C4orf50: variants seen among roughly 807,000 people sequenced by gnomAD.
C4orf50 encodes uncharacterized protein C4orf50.
C4orf50 carries 80 observed loss-of-function variants against 77.2 expected under a neutral mutation model. The observed-to-expected ratio is 1.04, with a 90% CI of 0.87 to 1.25. The LOEUF (loss-of-function observed/expected upper bound fraction) is 1.25, where lower values mean the gene tolerates loss of function less well. C4orf50 is among the 50% of genes most tolerant of loss of function. The pLI, the probability that C4orf50 is intolerant of heterozygous loss-of-function variation, is 0.00. For missense variants in C4orf50, 1,257 were observed against 1,152.9 expected (o/e 1.09, Z -1.31); for synonymous variants, 532 against 465.3 (o/e 1.14, Z -1.84).
At chr4:5,982,479 G>T (rs550469483) in intron 28 of C4orf50, among the ~76,000 whole-genome samples, 2 of 152,280 alleles carry the variant, frequency 1.3e-5, no homozygotes, top group South Asian at 4.1e-4. Flanking sequence ...AGAATGACAG[G>T]CAGGTAGTTC....
chr4:5,941,682 G>T (rs139597533), intron 7 of C4orf50, among the ~76,000 whole-genome samples: 5 of 152,066 alleles, frequency 3.3e-5, no homozygotes, highest in Non-Finnish European at 7.4e-5. Context: ...CCCAGCACAC[G>T]CTAAACAGTC....
At chr4:5,964,965 G>A in intron 33 of C4orf50, 59 bp downstream of exon 11, 1 of 1,541,106 alleles carries the variant, frequency 6.5e-7, no homozygotes, top group South Asian at 1.2e-5. Flanking sequence ...AGCTGTAAAT[G>A]TGTTGTACTT....
chr4:6,012,524 G>A (rs4568187), intron 23 of C4orf50, among the ~76,000 whole-genome samples: 2 of 151,874 alleles, frequency 1.3e-5, no homozygotes, highest in Admixed American at 6.6e-5. Flanking sequence ...TCAGAAAAAC[G>A]TTTCTGCAAC....
At chr4:5,949,232 A>G (rs1490808413) in intron 7 of C4orf50, among the ~76,000 whole-genome samples, 2 of 152,196 alleles carry the variant, frequency 1.3e-5, no homozygotes, top group Non-Finnish European at 2.9e-5. Context: ...ATGTTGCAAG[A>G]AAATAAAAAG....
At chr4:5,967,927 G>A (rs560814251) in intron 31 of C4orf50, among the ~76,000 whole-genome samples, 1 of 152,218 alleles carries the variant, frequency 6.6e-6, no homozygotes, top group South Asian at 2.1e-4. Flanking sequence ...CAGGTGAGAA[G>A]TGAGATGGCA....
At chr4:5,993,460 C>T (rs941985986) in intron 26 of C4orf50, among the ~76,000 whole-genome samples, 7 of 152,206 alleles carry the variant, frequency 4.6e-5, no homozygotes, top group East Asian at 3.9e-4. Flanking sequence ...CCCAGTTGGC[C>T]GCCGTGGCTG....
At chr4:5,995,688 G>T (rs999107802) in intron 25 of C4orf50, among the ~76,000 whole-genome samples, 1 of 152,188 alleles carries the variant, frequency 6.6e-6, no homozygotes, top group Non-Finnish European at 1.5e-5. Flanking sequence ...GCTTCATTCT[G>T]TCTGCACCCT....
intron 28 of C4orf50, 116 bp downstream of exon 6, chr4:5,988,231 T>C: frequency 7.6e-7 from 1 of 1,311,670 alleles, no homozygotes; most frequent in Non-Finnish European, 1.1e-6. Flanking sequence ...ATCTGGTAAG[T>C]GGGGAGGATG....
rs1038846745 is a variant in C4orf50, at chr4:6,015,776, C to A, written c.287+2369G>T. 1.3e-5 allele frequency among the ~76,000 whole-genome samples: 2 copies of A among 152,216 alleles called. No individual in the cohort carries two copies. The highest frequency in any genetic ancestry group is 2.9e-5 in the Non-Finnish European group (2 of 68,036). ...TAGAGCTGCATTCCTGGGCTCCTGG[C>A]CCTGCCTTCATCTTTGGAGCCAGCT... On this transcript the variant is annotated intron_variant, in intron 23 of 33. Transcript: ENST00000531445. This position sits in a 1 kb window ranked among gnomAD's most constrained non-coding sequence, Gnocchi z 4.4.
At chr4:5,935,661 C>T (rs1180847999) in intron 7 of C4orf50, among the ~76,000 whole-genome samples, 2 of 151,848 alleles carry the variant, frequency 1.3e-5, no homozygotes, top group Middle Eastern at 6.4e-3. Flanking sequence ...TGGCGGGCGC[C>T]TATAGTCCCA....
chr4:5,903,555 C>T (rs1716424951), intron 7 of C4orf50: 1 of 152,142 alleles, frequency 6.6e-6, no homozygotes, highest in South Asian at 2.1e-4. Flanking sequence ...AGGACAAAGA[C>T]TGTATGATTC....
At chr4:5,977,142 C>T (rs1720335357) in intron 29 of C4orf50, among the ~76,000 whole-genome samples, 1 of 152,228 alleles carries the variant, frequency 6.6e-6, no homozygotes. Flanking sequence ...GGGGACCCCC[C>T]AGCCGAGACT....
intron 7 of C4orf50, among the ~76,000 whole-genome samples, chr4:5,911,229 C>T (rs61190768): frequency 0.061 from 9,217 of 152,174 alleles, 311 homozygotes; most frequent in South Asian, 0.085. Flanking sequence ...CTGTGCCTTT[C>T]GAACTTGTGG....
chr4:5,989,510 G>A, exon 28 of C4orf50: 1 of 1,536,128 alleles, frequency 6.5e-7, no homozygotes, highest in Non-Finnish European at 8.7e-7. Flanking sequence ...CAGCCACTGT[G>A]CCACTTCTGA....
chr4:5,926,413 G>A (rs574582034), intron 7 of C4orf50, among the ~76,000 whole-genome samples: 28 of 152,298 alleles, frequency 1.8e-4, no homozygotes, highest in Admixed American at 1.3e-3. Flanking sequence ...AAAGTGGACC[G>A]CCGGATGTCA....
chr4:5,919,550 C>T lies in C4orf50; in HGVS notation c.*2475-21362G>A, dbSNP rs551298245. 6.6e-6 allele frequency among the ~76,000 whole-genome samples: 1 copy of T among 152,312 alleles called. No homozygotes were observed. The highest frequency in any genetic ancestry group is 1.9e-4 in the East Asian group (1 of 5,168). On this transcript the variant is annotated intron_variant, in intron 7 of 7. Coordinates refer to the C4orf50 transcript ENST00000324058. The surrounding 1 kb of genome is among the most constrained non-coding windows in gnomAD (Gnocchi z 6.5). Reference sequence around the variant, plus strand: ...GAAGGTTTCCCTGAGCAGCTATCAGCTGAAGCATGGGTGGAGAGGATAGCT... The same window carrying T: ...GAAGGTTTCCCTGAGCAGCTATCAGTTGAAGCATGGGTGGAGAGGATAGCT...
In C4orf50 at chr4:5,916,366, C is replaced by G. The variant is rs561077369; in HGVS notation, c.*2475-18178G>C. ...AGGGGTGGGGCTTAACCACGCCGAACAGACAGCCTTGGGTCCCTGCCCACC... is the reference window on the plus strand; with the variant it reads ...AGGGGTGGGGCTTAACCACGCCGAAGAGACAGCCTTGGGTCCCTGCCCACC... On this transcript the variant is annotated intron_variant, in intron 7 of 7. Coordinates refer to the C4orf50 transcript ENST00000324058. The surrounding 1 kb of genome is among the most constrained non-coding windows in gnomAD (Gnocchi z 4.4). Among the ~76,000 whole-genome samples, 317 of 151,032 alleles carry G rather than the reference C, an allele frequency of 2.1e-3. No homozygotes were observed. The highest frequency in any genetic ancestry group is 7.4e-3 in the African/African-American group (297 of 40,348).
In C4orf50 at chr4:5,937,813, C is replaced by T. The variant is rs185134941; in HGVS notation, c.*2474+19088G>A. 7.2e-5 allele frequency among the ~76,000 whole-genome samples: 11 copies of T among 152,124 alleles called. No homozygotes were observed. In the South Asian group the frequency reaches 1.0e-3, roughly 14 times the overall value. On this transcript the variant is annotated intron_variant, in intron 7 of 7. Transcript: ENST00000324058. ...ACATTAAACAAAATAGACTCAAAAT[C>T]GCAAAACATTATTAAAGATAACAAA...
chr4:5,899,837 T>A (rs1577865154), intron 7 of C4orf50: 1 of 152,188 alleles, frequency 6.6e-6, no homozygotes, highest in African/African-American at 2.4e-5. Context: ...GGCTTGGGCA[T>A]CAGTGTTTTA....
Sources: allele counts gnomAD v4.1 joint callset (sites outside exome capture counted in the v4.1 genomes callset), GRCh38; gene constraint gnomAD v4.1.1; non-coding constraint Gnocchi (gnomAD v3.1); transcripts MANE v1.5; gene names NCBI Gene and HGNC (gene_info 2026-07-23, HGNC 2026-07-21).